Variants in KCNK1 observed in about 807,000 individuals in gnomAD.
The protein encoded by KCNK1 is potassium channel subfamily K member 1.
KCNK1 carries 10 observed loss-of-function variants against 22.2 expected under a neutral mutation model. That is an observed-to-expected ratio of 0.45 (90% CI 0.28 to 0.76). The LOEUF is 0.76. Among genes scored for constraint, KCNK1 ranks in the 30% least tolerant of loss-of-function variants. The pLI is 0.14. For synonymous variants in KCNK1, 200 were observed against 186.4 expected (o/e 1.07, Z -0.60); for missense variants, 378 against 421.0 (o/e 0.90, Z 0.89).
intron 1 of KCNK1, among the ~76,000 whole-genome samples, chr1:233,647,318 G>A (rs935663275): frequency 1.3e-4 from 20 of 152,208 alleles, no homozygotes; most frequent in Non-Finnish European, 7.3e-5. Flanking sequence ...TGCTTCAGAC[G>A]TGAATGTCAG....
rs1259938367 is a variant in KCNK1, at chr1:233,623,017, CAGAG to C, written c.355+8496_355+8499del. 2.6e-5 allele frequency among the ~76,000 whole-genome samples: 4 copies of C among 152,200 alleles called. No homozygotes were observed. The East Asian group carries it at 5.8e-4, about 22-fold the overall frequency. The stretch of plus-strand genomic sequence containing the variant: ...TTAGGCAGAAAGCTCTCAGGGAACT[CAGAG>C]AGAGTCGGTGAAATCATGGCTGATG... On this transcript the variant is annotated intron_variant, in intron 1 of 2. Transcript: ENST00000366621.
chr1:233,621,140 CGAA>C (rs1657579303), intron 1 of KCNK1, among the ~76,000 whole-genome samples: 1 of 152,114 alleles, frequency 6.6e-6, no homozygotes, highest in African/African-American at 2.4e-5. Context: ...GTTCTTATGT[CGAA>C]GTTCTACCCT....
chr1:233,614,758 G>A (rs74145612), intron 1 of KCNK1, among the ~76,000 whole-genome samples: 9,194 of 152,216 alleles, frequency 0.06, 757 homozygotes, highest in African/African-American at 0.18. Context: ...CTGCGGAGCC[G>A]GAAGCCAGAG....
intron 1 of KCNK1, among the ~76,000 whole-genome samples, chr1:233,656,426 T>C (rs1055178960): frequency 2.6e-5 from 4 of 152,144 alleles, no homozygotes; most frequent in African/African-American, 9.7e-5. Context: ...TAGACAAAAC[T>C]GGTTTCAGGT....
chr1:233,667,125 C>A (rs1658505697), intron 2 of KCNK1, 135 bp downstream of exon 2: 8 of 583,276 alleles, frequency 1.4e-5, no homozygotes, highest in African/African-American at 1.9e-5. Flanking sequence ...CTCACTGCAA[C>A]CTCCGCCTTC....
chr1:233,614,158 C>T lies in KCNK1; in HGVS notation c.-14C>T, dbSNP rs774010826. The T allele has an allele frequency of 8.2e-6, 9 of 1,096,762 alleles. No homozygotes were observed. The highest frequency in any genetic ancestry group is 1.1e-5 in the Non-Finnish European group (9 of 813,614). The allele number at this position is 1,096,762 out of a possible 1,614,324, so 67.9% of individuals were successfully genotyped here. On this transcript the variant is annotated 5_prime_UTR_variant, in exon 1 of 3. Transcript: ENST00000366621. ...CGGTCTGCGGCGTTGGCCTTGGCGG[C>T]GGCGGTGGAGAAGATGCTGCAGTCC...
intron 1 of KCNK1, among the ~76,000 whole-genome samples, chr1:233,615,167 C>G (rs1463212254): frequency 6.6e-6 from 1 of 152,218 alleles, no homozygotes; most frequent in African/African-American, 2.4e-5. Flanking sequence ...CAGGCCGATC[C>G]GGTTTCTTTT....
intron 1 of KCNK1, among the ~76,000 whole-genome samples, chr1:233,638,583 A>G (rs1657950624): frequency 6.6e-6 from 1 of 152,218 alleles, no homozygotes; most frequent in Non-Finnish European, 1.5e-5. Flanking sequence ...TGGAGGCTGC[A>G]GAGCAGTGAT....
intron 1 of KCNK1, among the ~76,000 whole-genome samples, chr1:233,658,190 G>A (rs969403612): frequency 4.6e-5 from 7 of 152,186 alleles, no homozygotes; most frequent in Admixed American, 3.9e-4. Context: ...TGTAAACAGT[G>A]TTAGGGAAAA....
intron 1 of KCNK1, among the ~76,000 whole-genome samples, chr1:233,648,089 G>C (rs566569992): frequency 5.0e-4 from 76 of 152,290 alleles, no homozygotes; most frequent in African/African-American, 1.8e-3. Flanking sequence ...TTCAAATTAA[G>C]AAATCACATT....
At chr1:233,658,123 A>G (rs1264257838) in intron 1 of KCNK1, among the ~76,000 whole-genome samples, 1 of 152,194 alleles carries the variant, frequency 6.6e-6, no homozygotes, top group Non-Finnish European at 1.5e-5. Flanking sequence ...ATAAGGACAA[A>G]TAATCATAAT....
At chr1:233,650,162 G>A in intron 1 of KCNK1, 1 of 406,252 alleles carries the variant, frequency 2.5e-6, no homozygotes, top group South Asian at 1.9e-5. Flanking sequence ...AGCATCTACT[G>A]ATAAGAATGT....
intron 1 of KCNK1, among the ~76,000 whole-genome samples, chr1:233,655,158 T>C (rs1658268021): frequency 6.6e-6 from 1 of 152,218 alleles, no homozygotes. Flanking sequence ...AAGAAGATTA[T>C]TCTCCAGACA....
At chr1:233,625,481 C>T (rs2102884508) in intron 1 of KCNK1, among the ~76,000 whole-genome samples, 1 of 152,142 alleles carries the variant, frequency 6.6e-6, no homozygotes, top group South Asian at 2.1e-4. Context: ...TATGGCTAGC[C>T]TGGGGGAGGA....
At position 233,614,150 on chromosome 1, in the gene KCNK1, C is replaced by T. The variant is rs3831930; in HGVS notation, c.-22C>T. 7.0e-5 allele frequency: 108 copies of T among 1,537,892 alleles called. 2 individuals carry two copies. The South Asian group carries it at 8.5e-4, about 12-fold the overall frequency. Reference sequence around the variant, plus strand: ...GCTCCGGCCGGTCTGCGGCGTTGGCCTTGGCGGCGGCGGTGGAGAAGATGC... The same window carrying T: ...GCTCCGGCCGGTCTGCGGCGTTGGCTTTGGCGGCGGCGGTGGAGAAGATGC... On this transcript the variant is annotated 5_prime_UTR_variant, in exon 1 of 3. Transcript: ENST00000366621.
At chr1:233,649,582 A>G (rs1297557366) in intron 1 of KCNK1, among the ~76,000 whole-genome samples, 1 of 152,218 alleles carries the variant, frequency 6.6e-6, no homozygotes, top group Non-Finnish European at 1.5e-5. Flanking sequence ...GGGAAGTCCA[A>G]GATCAAGGTA....
intron 1 of KCNK1, among the ~76,000 whole-genome samples, chr1:233,664,909 T>A (rs116607246): frequency 6.6e-6 from 1 of 152,036 alleles, no homozygotes; most frequent in Non-Finnish European, 1.5e-5. Flanking sequence ...AAAAAAAATG[T>A]ATTTAGCTGG....
chr1:233,642,771 A>AT (rs370066070), intron 1 of KCNK1, among the ~76,000 whole-genome samples: 1,896 of 149,334 alleles, frequency 0.013, 32 homozygotes, highest in African/African-American at 0.042. Context: ...TCTTGGTGCC[A>AT]TTTTTTTTTT....
At position 233,671,957 on chromosome 1, in the gene KCNK1, G is replaced by T; in HGVS notation, c.*427G>T. ...AGCATAGAGATGTGTTTTATAAATA[G>T]GTTTATGTGTACTGGTTTGCATGTA... On this transcript the variant is annotated 3_prime_UTR_variant, in exon 3 of 3. Transcript: ENST00000366621. 5.4e-6 allele frequency: 1 copy of T among 185,250 alleles called. No individual in the cohort carries two copies. The allele number at this position is 185,250 out of a possible 1,614,324, so 11.5% of individuals were successfully genotyped here.
Sources: gnomAD v4.1 joint callset for allele counts (sites outside exome capture counted in the v4.1 genomes callset) on GRCh38, gnomAD v4.1.1 for gene constraint, MANE v1.5 for transcripts, NCBI Gene and HGNC (gene_info 2026-07-23, HGNC 2026-07-21) for gene names.